The following CCDC88B variants were observed in gnomAD, a reference collection of about 807,000 sequenced individuals.
CCDC88B encodes the protein coiled-coil and HOOK domain protein 88B, also known as coiled-coil domain-containing protein 88B.
Under a neutral mutation model 183.7 loss-of-function variants are expected in CCDC88B, and 138 were observed. The ratio of observed to expected loss-of-function variants is 0.75; its 90% CI spans 0.65 to 0.87. The LOEUF (loss-of-function observed/expected upper bound fraction) is 0.87. Among genes scored for constraint, CCDC88B ranks in the 40% least tolerant of loss-of-function variants. The pLI, the probability that CCDC88B is intolerant of heterozygous loss-of-function variation, is 0.00. For missense variants in CCDC88B, 1,822 were observed against 1,965.6 expected, an observed-to-expected ratio of 0.93 and a Z score of 1.38; for synonymous variants, 835 against 867.5, an observed-to-expected ratio of 0.96 and a Z score of 0.66.
chr11:64,347,779 A>C (rs1431661237), intron 14 of CCDC88B, among the ~76,000 whole-genome samples: 1 of 152,102 alleles, frequency 6.6e-6, no homozygotes, highest in African/African-American at 2.4e-5. Flanking sequence ...GGCTGGGCAC[A>C]GTGGCTCACA....
rs750462536 is a variant in CCDC88B, at chr11:64,341,613, G to T, written c.546G>T (p.Gly182=). The change falls in exon 7 of 27, where the codon GGG becomes GGT. Residue 182 remains glycine, a synonymous_variant. Coordinates refer to ENST00000356786, the MANE Select transcript of CCDC88B (RefSeq NM_032251.6). ...CTGCGCCCCAGGTGACCCAGCCGGG[G>T]GCCGGCGTGGTGCTGGCACTGTCTG... ...AAAIQEVTQP[G]AGVVLALSGP... is the part of the protein sequence containing the mutation. The T allele has an allele frequency of 1.7e-5, 28 of 1,600,944 alleles. No homozygotes were observed. Among genetic ancestry groups the T allele is most frequent in the Non-Finnish European group, 2.4e-5 (28 of 1,173,168 alleles).
intron 14 of CCDC88B, among the ~76,000 whole-genome samples, chr11:64,348,511 C>A (rs79737432): frequency 0.087 from 13,295 of 152,230 alleles, 1,771 homozygotes; most frequent in African/African-American, 0.29. Flanking sequence ...GGCAGCAGTG[C>A]CTCATCGGAC....
chr11:64,348,822 G>A (rs887280986), intron 14 of CCDC88B: 24 of 597,374 alleles, frequency 4.0e-5, no homozygotes, highest in Non-Finnish European at 7.2e-5. Flanking sequence ...AAGGCCACAG[G>A]TCACCTAGCT....
rs562479932 is a variant in CCDC88B, at chr11:64,352,750, G to A, written c.3363G>A (p.Glu1121=). ...AGCCCCTTGTCCATCCCAGGCACGA[G>A]CAGCTGCAGGCCCAGCGGGCCAGCG... ...LAHRELQGRH[E]QLQAQRASVE... Residue 1121 remains glutamate (E), a synonymous_variant, in exon 20 of 27, where the codon GAG becomes GAA. Coordinates refer to ENST00000356786, the MANE Select transcript of CCDC88B (RefSeq NM_032251.6). 8.1e-6 allele frequency: 13 copies of A among 1,613,530 alleles called. No homozygotes were observed. In the East Asian group the frequency reaches 2.2e-4, roughly 28 times the overall value.
chr11:64,355,338 CT>C lies in CCDC88B; in HGVS notation c.4245del (p.Arg1416GlyfsTer193). 1 of 1,594,596 alleles carries C rather than the reference CT, an allele frequency of 6.3e-7. No homozygotes were observed. Among genetic ancestry groups the C allele is most frequent in the Non-Finnish European group, 8.5e-7 (1 of 1,171,542 alleles). ...GAGTCATTCAGCCCTGGGGACACCCCTAGGCAACGATTCCGACAGCGCCATC... is the reference window on the plus strand; with the variant it reads ...GAGTCATTCAGCCCTGGGGACACCCCAGGCAACGATTCCGACAGCGCCATC... ...SSESFSPGDT[P>X]RQRFRQRHPG... On this transcript the variant is annotated frameshift_variant, in exon 25 of 27. Transcript: ENST00000356786. LOFTEE classifies it high-confidence loss of function.
In CCDC88B at chr11:64,352,199, G is replaced by A. The variant is rs1239746435; in HGVS notation, c.3169G>A (p.Val1057Met). The A allele has an allele frequency of 4.4e-6, 7 of 1,606,840 alleles. No homozygotes were observed. Among genetic ancestry groups the A allele is most frequent in the East Asian group, 4.5e-5 (2 of 44,518 alleles). ...GAAGCTGGAGGTGCTGGAGGAGGAG[G>A]TGCGGGCGGCACGGCAGTCCCAGGA... The part of the protein sequence containing the change: ...HRKLEVLEEE[V>M]RAARQSQEET... Residue 1057 changes from valine to methionine, a missense_variant, in exon 19 of 27, where the codon GTG becomes ATG. Val to Met is a conservative substitution (Grantham distance 21). Transcript: ENST00000356786.
At position 64,344,015 on chromosome 11, in the gene CCDC88B, C is replaced by G. The variant is rs1458676818; in HGVS notation, c.1474C>G (p.Pro492Ala). 1 of 1,560,258 alleles carries G rather than the reference C, an allele frequency of 6.4e-7. No individual in the cohort carries two copies. Among genetic ancestry groups the G allele is most frequent in the East Asian group, 2.3e-5 (1 of 44,232 alleles). ...PGGQHPLLEAPREDPVLPVLE... is the reference protein window; with the variant it reads ...PGGQHPLLEAAREDPVLPVLE... ...CCCTCAGCACCCCCTGCTGGAGGCA[C>G]CGAGAGAGGACCCTGTTCTTCCAGT... is the stretch of plus-strand genomic sequence containing the variant. Residue 492 changes from proline (P) to alanine (A), a missense_variant, in exon 14 of 27, where the codon CCG (proline) becomes GCG (alanine). By Grantham distance (27) the Pro-to-Ala change is conservative. Transcript: ENST00000356786. This position sits in a 1 kb window ranked among gnomAD's most constrained non-coding sequence, Gnocchi z 4.5.
At chr11:64,349,176 C>T (rs2036228866) in intron 14 of CCDC88B, 155 bp from the exon 15 acceptor site, 14 of 903,938 alleles carry the variant, frequency 1.5e-5, no homozygotes, top group Non-Finnish European at 2.1e-5. Flanking sequence ...AGGCTTTGCT[C>T]CCATTTTATA....
intron 14 of CCDC88B, chr11:64,348,775 T>G: frequency 1.8e-6 from 1 of 555,120 alleles, no homozygotes; most frequent in Non-Finnish European, 3.2e-6. Flanking sequence ...AGAATGGGCC[T>G]CCCGTCTCCT....
chr11:64,354,694 C>CG (rs1411083884), intron 24 of CCDC88B, among the ~76,000 whole-genome samples: 1 of 53,290 alleles, frequency 1.9e-5, no homozygotes, highest in Admixed American at 1.8e-4. Flanking sequence ...AGCCTCCGCC[C>CG]CCCCCCTCTG....
In CCDC88B at chr11:64,352,292, C is replaced by G. The variant is rs1436187037; in HGVS notation, c.3262C>G (p.Gln1088Glu). 1.3e-6 allele frequency: 2 copies of G among 1,572,208 alleles called. No homozygotes were observed. The highest frequency in any genetic ancestry group is 2.3e-5 in the South Asian group (2 of 87,262). The change falls in exon 19 of 27, where the codon CAG (glutamine) becomes GAG (glutamate). Residue 1088 changes from glutamine (Q) to glutamate (E), a missense_variant. Coordinates refer to ENST00000356786, the MANE Select transcript of CCDC88B (RefSeq NM_032251.6). ...HKALAQLQRRQEAELEGLLVR... is the reference protein window; with the variant it reads ...HKALAQLQRREEAELEGLLVR... ...GGCCCTGGCACAGCTGCAGCGGCGG[C>G]AGGAGGCCGAGCTAGAGGGACTGCT...
chr11:64,357,409 G>A lies in CCDC88B; in HGVS notation c.*315G>A. On this transcript the variant is annotated 3_prime_UTR_variant, in exon 27 of 27. Coordinates refer to ENST00000356786, the MANE Select transcript of CCDC88B (RefSeq NM_032251.6). ...GAAGGAGGCTGGCAGGAGTTGGCAA[G>A]AGAACCCCCTGCCCTGTCCAGGTGG... is the stretch of plus-strand genomic sequence containing the variant. The A allele has an allele frequency of 2.8e-6, 2 of 717,434 alleles. No individual in the cohort carries two copies. Among genetic ancestry groups the A allele is most frequent in the Non-Finnish European group, 5.2e-6 (2 of 385,074 alleles). The allele number at this position is 717,434 out of a possible 1,614,324, so 44.4% of individuals were successfully genotyped here. A position where few individuals can be genotyped will look rare whatever the true frequency, so the allele number is the denominator to read the frequency against.
chr11:64,344,689 A>T lies in CCDC88B; in HGVS notation c.2148A>T (p.Pro716=). Residue 716 remains proline, a synonymous_variant, in exon 14 of 27, where the codon CCA becomes CCT. Coordinates refer to ENST00000356786, the MANE Select transcript of CCDC88B (RefSeq NM_032251.6). This position sits in a 1 kb window ranked among gnomAD's most constrained non-coding sequence, Gnocchi z 4.5. The part of the protein sequence containing the change: ...LEVQVWEGPI[P]GESLASGVAE... ...TCCAGGTCTGGGAAGGCCCAATCCC[A>T]GGGGAGAGCCTGGCCAGTGGTGTCG... 6.2e-7 allele frequency: 1 copy of T among 1,614,110 alleles called. No individual in the cohort carries two copies. The highest frequency in any genetic ancestry group is 1.1e-5 in the South Asian group (1 of 91,088).
At chr11:64,351,332 T>G (rs2036320999) in intron 17 of CCDC88B, 77 bp downstream of exon 17, 2 of 1,482,544 alleles carry the variant, frequency 1.3e-6, no homozygotes, top group Non-Finnish European at 9.1e-7. Context: ...GACCCTGGGC[T>G]GGGGGGTATC....
chr11:64,356,808 G>A lies in CCDC88B; in HGVS notation c.4376-231G>A, dbSNP rs1264870660. On this transcript the variant is annotated intron_variant, in intron 26 of 26. Coordinates refer to ENST00000356786, the MANE Select transcript of CCDC88B (RefSeq NM_032251.6). ...GGGGTGCTGGGGTGGGCCTCAGAGA[G>A]GATGTGAAATTGGAGCAAAGACTTG... 1.3e-5 allele frequency: 7 copies of A among 527,046 alleles called. No individual in the cohort carries two copies. The East Asian group carries it at 2.1e-4, about 15-fold the overall frequency. 32.6% of individuals were successfully genotyped at this position (527,046 alleles called of 1,614,324 possible). A position where few individuals can be genotyped will look rare whatever the true frequency, so the allele number is the denominator to read the frequency against.
At chr11:64,349,916 G>T in intron 16 of CCDC88B, 1 of 560,460 alleles carries the variant, frequency 1.8e-6, no homozygotes. Flanking sequence ...TGACTGCTCC[G>T]CCTGTCTCAC....
chr11:64,353,177 G>A lies in CCDC88B; in HGVS notation c.3624G>A (p.Gln1208=). ...LERAQLEMQS[Q]QLRESNQQLD... ...GGGCACAGCTGGAGATGCAGAGCCA[G>A]CAGCTGCGCGAGTCCAACCAGCAGC... is the stretch of plus-strand genomic sequence containing the variant. Residue 1208 remains glutamine, a synonymous_variant, in exon 21 of 27, where the codon CAG becomes CAA. Transcript: ENST00000356786. 3 of 1,581,162 alleles carry A rather than the reference G, an allele frequency of 1.9e-6. No individual in the cohort carries two copies. The highest frequency in any genetic ancestry group is 2.1e-4 in the Middle Eastern group (1 of 4,700).
At chr11:64,341,389 C>T in intron 5 of CCDC88B, 32 bp from the exon 6 acceptor site, 10 of 1,613,846 alleles carry the variant, frequency 6.2e-6, no homozygotes, top group Non-Finnish European at 8.5e-6. Context: ...GAGGGAGATC[C>T]TGCACCAGCT....
At chr11:64,355,854 T>C (rs887715767) in intron 26 of CCDC88B, 2 of 440,580 alleles carry the variant, frequency 4.5e-6, no homozygotes, top group Non-Finnish European at 8.0e-6. Flanking sequence ...AGAAATATGG[T>C]GTGAACCACA....
Sources: allele counts gnomAD v4.1 joint callset (sites outside exome capture counted in the v4.1 genomes callset), GRCh38; gene constraint gnomAD v4.1.1; non-coding constraint Gnocchi (gnomAD v3.1); transcripts MANE v1.5; gene names NCBI Gene and HGNC (gene_info 2026-07-23, HGNC 2026-07-21).